GDF7: variants seen among roughly 807,000 people sequenced by gnomAD.
GDF7 encodes growth differentiation factor 7.
A neutral mutation model predicts 13.4 loss-of-function variants in GDF7; 12 were observed. The ratio of observed to expected loss-of-function variants is 0.90; its 90% CI spans 0.57 to 1.45. The LOEUF is 1.45. GDF7 is among the 40% of genes most tolerant of loss of function. The pLI is 0.00. For synonymous variants in GDF7, 330 were observed against 306.4 expected (o/e 1.08, Z -0.80); for missense variants, 651 against 652.4 (o/e 1.00, Z 0.02).
At position 20,671,377 on chromosome 2, in the gene GDF7, C is replaced by G; in HGVS notation, c.1305C>G (p.Val435=). 2 of 1,612,592 alleles carry G rather than the reference C, an allele frequency of 1.2e-6. No homozygotes were observed. The highest frequency in any genetic ancestry group is 8.5e-7 in the Non-Finnish European group (1 of 1,179,708). Residue 435 remains valine (V), a synonymous_variant, in exon 2 of 2, where the codon GTC becomes GTG. Coordinates refer to ENST00000272224, the MANE Select transcript of GDF7 (RefSeq NM_182828.4). ...ILYIDAANNV[V]YKQYEDMVVE... Reference sequence around the variant, plus strand: ...ACATCGACGCCGCCAACAACGTTGTCTACAAGCAATACGAGGACATGGTGG... The same window carrying G: ...ACATCGACGCCGCCAACAACGTTGTGTACAAGCAATACGAGGACATGGTGG...
intron 1 of GDF7, among the ~76,000 whole-genome samples, chr2:20,668,019 C>T (rs1037196816): frequency 6.6e-6 from 1 of 152,236 alleles, no homozygotes; most frequent in East Asian, 1.9e-4. Context: ...GCGAGAGGGA[C>T]TGCACGGTGG....
rs1437923886 is a variant in GDF7, at chr2:20,679,155, T to C, written c.*7730T>C. 4 of 152,240 alleles carry C rather than the reference T, an allele frequency of 2.6e-5. No homozygotes were observed. The highest frequency in any genetic ancestry group is 7.2e-5 in the African/African-American group (3 of 41,458). 9.4% of individuals were successfully genotyped at this position (152,240 alleles called of 1,614,324 possible). A position where few individuals can be genotyped will look rare whatever the true frequency, so the allele number is the denominator to read the frequency against. ...ATTTTTCTTAACTATTATATAGCAG[T>C]ATATATTTGTTGAACATGCTTGTAT... On this transcript the variant is annotated 3_prime_UTR_variant, in exon 2 of 2. Coordinates refer to ENST00000272224, the MANE Select transcript of GDF7 (RefSeq NM_182828.4).
Position 20,671,080 on chromosome 2 carries a change from C to A in GDF7, c.1008C>A (p.Gly336=). Residue 336 remains glycine (G), a synonymous_variant, in exon 2 of 2, where the codon GGC becomes GGA. Transcript: ENST00000272224. The part of the protein sequence containing the change: ...GTRTAQGSGG[G]AGRGHGRRGR... ...GGACAGCGCAGGGCAGCGGCGGGGG[C>A]GCGGGCCGGGGCCACGGGCGCAGGG... is the stretch of plus-strand genomic sequence containing the variant. 6.7e-7 allele frequency: 1 copy of A among 1,503,274 alleles called. No homozygotes were observed. The highest frequency in any genetic ancestry group is 1.3e-5 in the South Asian group (1 of 75,822). 93.1% of individuals were successfully genotyped at this position (1,503,274 alleles called of 1,614,324 possible).
Position 20,670,742 on chromosome 2 carries a change from C to G in GDF7, c.670C>G (p.Pro224Ala). 6.7e-7 allele frequency: 1 copy of G among 1,483,714 alleles called. No homozygotes were observed. The highest frequency in any genetic ancestry group is 2.6e-5 in the East Asian group (1 of 37,800). The allele number at this position is 1,483,714 out of a possible 1,614,324, so 91.9% of individuals were successfully genotyped here. A position where few individuals can be genotyped will look rare whatever the true frequency, so the allele number is the denominator to read the frequency against. The stretch of plus-strand genomic sequence containing the variant: ...CGCCATGAGGCGCCACCGTCGTGAA[C>G]CGCGCCCCCCCCGCGCGTTCTGCCT... ...ADAMRRHRRE[P>A]RPPRAFCLLL... The change falls in exon 2 of 2, where the codon CCG (proline) becomes GCG (alanine). Residue 224 changes from proline to alanine, a missense_variant. Around this residue, in one of 4 missense-constraint regions of GDF7, gnomAD observed 487 missense variants for 445.9 expected, o/e 1.09. Coordinates refer to ENST00000272224, the MANE Select transcript of GDF7 (RefSeq NM_182828.4).
In GDF7 at chr2:20,677,245, CTA is replaced by C. The variant is rs1450907987; in HGVS notation, c.*5822_*5823del. Reference sequence around the variant, plus strand: ...ATTACAGAAACTTTTAATCTCTTTTCTATGTCAGTAAGGGGATGCTGAAATAA... The same window carrying C: ...ATTACAGAAACTTTTAATCTCTTTTCTGTCAGTAAGGGGATGCTGAAATAA... On this transcript the variant is annotated 3_prime_UTR_variant, in exon 2 of 2. Coordinates refer to ENST00000272224, the MANE Select transcript of GDF7 (RefSeq NM_182828.4). 6.6e-6 allele frequency: 1 copy of C among 152,240 alleles called. No homozygotes were observed. Among genetic ancestry groups the C allele is most frequent in the Non-Finnish European group, 1.5e-5 (1 of 68,054 alleles). The allele number at this position is 152,240 out of a possible 1,614,324, so 9.4% of individuals were successfully genotyped here.
In GDF7 at chr2:20,672,384, G is replaced by A; in HGVS notation, c.*959G>A. ...GAGCTACTGCTTTTCCTAGAGACCTGCCAGGAGGTTTTCCTAAGAAGCCAG... is the reference window on the plus strand; with the variant it reads ...GAGCTACTGCTTTTCCTAGAGACCTACCAGGAGGTTTTCCTAAGAAGCCAG... On this transcript the variant is annotated 3_prime_UTR_variant, in exon 2 of 2. Transcript: ENST00000272224. 6.6e-6 allele frequency: 1 copy of A among 152,326 alleles called. No homozygotes were observed. The highest frequency in any genetic ancestry group is 1.5e-5 in the Non-Finnish European group (1 of 68,068). 9.4% of individuals were successfully genotyped at this position (152,326 alleles called of 1,614,324 possible).
In GDF7 at chr2:20,675,578, A is replaced by T. The variant is rs919941164; in HGVS notation, c.*4153A>T. The T allele has an allele frequency of 1.1e-4, 17 of 152,158 alleles. No homozygotes were observed. Among genetic ancestry groups the T allele is most frequent in the Non-Finnish European group, 1.6e-4 (11 of 68,054 alleles). The allele number at this position is 152,158 out of a possible 1,614,324, so 9.4% of individuals were successfully genotyped here. ...CGTCTGAGGCAAGTTATGGGCAGTC[A>T]CCTCCCTGCTGGAGCTTCATCTTCT... On this transcript the variant is annotated 3_prime_UTR_variant, in exon 2 of 2. Coordinates refer to ENST00000272224, the MANE Select transcript of GDF7 (RefSeq NM_182828.4).
In GDF7 at chr2:20,677,961, C is replaced by G. The variant is rs754300253; in HGVS notation, c.*6536C>G. 1.3e-5 allele frequency: 2 copies of G among 153,834 alleles called. No individual in the cohort carries two copies. Among genetic ancestry groups the G allele is most frequent in the African/African-American group, 2.4e-5 (1 of 41,492 alleles). 9.5% of individuals were successfully genotyped at this position (153,834 alleles called of 1,614,324 possible). A position where few individuals can be genotyped will look rare whatever the true frequency, so the allele number is the denominator to read the frequency against. ...ACATGTGTCCTGGATCCTCCCCTGG[C>G]CTGGGGCAGCAGCAGCAGCAGCAGC... is the stretch of plus-strand genomic sequence containing the variant. On this transcript the variant is annotated 3_prime_UTR_variant, in exon 2 of 2. Transcript: ENST00000272224.
In GDF7 at chr2:20,671,115, G is replaced by A. The variant is rs551505619; in HGVS notation, c.1043G>A (p.Arg348His). ...GRGHGRRGRS[R>H]CSRKPLHVDF... ...GGCCACGGGCGCAGGGGCCGGAGCCGCTGCAGCCGCAAGCCGTTGCACGTG... is the reference window on the plus strand; with the variant it reads ...GGCCACGGGCGCAGGGGCCGGAGCCACTGCAGCCGCAAGCCGTTGCACGTG... Residue 348 changes from arginine to histidine, a missense_variant, in exon 2 of 2, where the codon CGC becomes CAC. By Grantham distance (29) the Arg-to-His change is conservative. This residue lies in a region of GDF7 where 487 missense variants were observed against 445.9 expected (regional missense o/e 1.09). Transcript: ENST00000272224. 3 of 1,604,188 alleles carry A rather than the reference G, an allele frequency of 1.9e-6. No homozygotes were observed. The East Asian group carries it at 6.8e-5, about 36-fold the overall frequency.
chr2:20,672,923 G>A lies in GDF7; in HGVS notation c.*1498G>A, dbSNP rs1040002957. ...GGCTTTTTGTCAATAGGCTGGGAGA[G>A]GGAACCTAGTTGGACTCCAGCTGTC... On this transcript the variant is annotated 3_prime_UTR_variant, in exon 2 of 2. Transcript: ENST00000272224. 3.9e-5 allele frequency: 6 copies of A among 152,170 alleles called. No individual in the cohort carries two copies. The highest frequency in any genetic ancestry group is 8.8e-5 in the Non-Finnish European group (6 of 68,044). 9.4% of individuals were successfully genotyped at this position (152,170 alleles called of 1,614,324 possible). A position where few individuals can be genotyped will look rare whatever the true frequency, so the allele number is the denominator to read the frequency against.
rs1662274410 is a variant in GDF7 at position 20,678,694 on chromosome 2, T to A, written c.*7269T>A. On this transcript the variant is annotated 3_prime_UTR_variant, in exon 2 of 2. Transcript: ENST00000272224. ...ACGGTAAAACTCAAAGTGCCAGTAATGCCATCAAGGCTCAGTAACATGCCA... is the reference window on the plus strand; with the variant it reads ...ACGGTAAAACTCAAAGTGCCAGTAAAGCCATCAAGGCTCAGTAACATGCCA... The A allele has an allele frequency of 6.6e-6, 1 of 152,214 alleles. No homozygotes were observed. The highest frequency in any genetic ancestry group is 1.5e-5 in the Non-Finnish European group (1 of 68,040). The allele number at this position is 152,214 out of a possible 1,614,324, so 9.4% of individuals were successfully genotyped here.
In GDF7 at chr2:20,677,941, T is replaced by A. The variant is rs1323439482; in HGVS notation, c.*6516T>A. ...CTGCCAAGGCCAGACAACGCACATG[T>A]GTCCTGGATCCTCCCCTGGCCTGGG... On this transcript the variant is annotated 3_prime_UTR_variant, in exon 2 of 2. Coordinates refer to ENST00000272224, the MANE Select transcript of GDF7 (RefSeq NM_182828.4). 6.5e-6 allele frequency: 1 copy of A among 152,738 alleles called. No homozygotes were observed. The highest frequency in any genetic ancestry group is 1.5e-5 in the Non-Finnish European group (1 of 68,500). The allele number at this position is 152,738 out of a possible 1,614,324, so 9.5% of individuals were successfully genotyped here.
rs1281841573 is a variant in GDF7 at position 20,674,569 on chromosome 2, C to T, written c.*3144C>T. On this transcript the variant is annotated 3_prime_UTR_variant, in exon 2 of 2. Coordinates refer to ENST00000272224, the MANE Select transcript of GDF7 (RefSeq NM_182828.4). ...AGGATCACCCACACTGGCAGGCGGG[C>T]ATTTCCACTGATTCCCAAACACACT... The T allele has an allele frequency of 6.6e-6, 1 of 152,302 alleles. No homozygotes were observed. Among genetic ancestry groups the T allele is most frequent in the African/African-American group, 2.4e-5 (1 of 41,442 alleles). The allele number at this position is 152,302 out of a possible 1,614,324, so 9.4% of individuals were successfully genotyped here.
chr2:20,673,259 T>C lies in GDF7; in HGVS notation c.*1834T>C, dbSNP rs938810639. 3.3e-5 allele frequency: 5 copies of C among 152,170 alleles called. No individual in the cohort carries two copies. Among genetic ancestry groups the C allele is most frequent in the African/African-American group, 1.2e-4 (5 of 41,438 alleles). The allele number at this position is 152,170 out of a possible 1,614,324, so 9.4% of individuals were successfully genotyped here. The stretch of plus-strand genomic sequence containing the variant: ...AATTAAGATTCCCCCCTTCCTCCTA[T>C]TATGTGAATTTATATTCTGTGGCTG... On this transcript the variant is annotated 3_prime_UTR_variant, in exon 2 of 2. Coordinates refer to ENST00000272224, the MANE Select transcript of GDF7 (RefSeq NM_182828.4).
At position 20,670,719 on chromosome 2, in the gene GDF7, C is replaced by T; in HGVS notation, c.647C>T (p.Ala216Val). ...QRWEAFDVAD[A>V]MRRHRREPRP... ...TGGGAGGCGTTCGACGTGGCGGACG[C>T]CATGAGGCGCCACCGTCGTGAACCG... is the stretch of plus-strand genomic sequence containing the variant. Residue 216 changes from alanine to valine, a missense_variant, in exon 2 of 2, where the codon GCC (alanine) becomes GTC (valine). This residue lies in a region of GDF7 where 487 missense variants were observed against 445.9 expected (regional missense o/e 1.09). Transcript: ENST00000272224. The T allele has an allele frequency of 2.7e-6, 4 of 1,478,864 alleles. No homozygotes were observed. The highest frequency in any genetic ancestry group is 5.3e-5 in the East Asian group (2 of 38,060). 91.6% of individuals were successfully genotyped at this position (1,478,864 alleles called of 1,614,324 possible).
At position 20,667,228 on chromosome 2, in the gene GDF7, C is replaced by T; in HGVS notation, c.-12C>T. ...GAGCCCGCGCCGCCCGCCCGCCCGG[C>T]CCACGGAGCCCATGGACCTGAGCGC... is the stretch of plus-strand genomic sequence containing the variant. On this transcript the variant is annotated 5_prime_UTR_variant, in exon 1 of 2. Coordinates refer to ENST00000272224, the MANE Select transcript of GDF7 (RefSeq NM_182828.4). The surrounding 1 kb of genome is among the most constrained non-coding windows in gnomAD (Gnocchi z 6.4). 8.4e-7 allele frequency: 1 copy of T among 1,185,470 alleles called. No individual in the cohort carries two copies. Among genetic ancestry groups the T allele is most frequent in the Non-Finnish European group, 1.0e-6 (1 of 958,714 alleles). 73.4% of individuals were successfully genotyped at this position (1,185,470 alleles called of 1,614,324 possible).
At position 20,670,895 on chromosome 2, in the gene GDF7, C is replaced by G; in HGVS notation, c.823C>G (p.Gln275Glu). The G allele has an allele frequency of 6.4e-7, 1 of 1,557,150 alleles. No individual in the cohort carries two copies. Among genetic ancestry groups the G allele is most frequent in the South Asian group, 1.2e-5 (1 of 85,564 alleles). The change falls in exon 2 of 2, where the codon CAG becomes GAG. Residue 275 changes from glutamine to glutamate, a missense_variant. Around this residue, in one of 4 missense-constraint regions of GDF7, gnomAD observed 487 missense variants for 445.9 expected, o/e 1.09. Coordinates refer to ENST00000272224, the MANE Select transcript of GDF7 (RefSeq NM_182828.4). ...GGTGCTAGTCGTCTCCTCCCGCACG[C>G]AGAGGAAAGAGAGCTTATTCCGGGA... The part of the protein sequence containing the change: ...RAVLVVSSRT[Q>E]RKESLFREIR...
Position 20,670,604 on chromosome 2 carries a change from C to T in GDF7, c.532C>T (p.Pro178Ser), listed in dbSNP as rs771877696. Residue 178 changes from proline to serine, a missense_variant, in exon 2 of 2, where the codon CCG becomes TCG. Physicochemically the swap from Pro to Ser is moderately conservative, Grantham distance 74. This residue lies in a region of GDF7 where 487 missense variants were observed against 445.9 expected (regional missense o/e 1.09). Coordinates refer to ENST00000272224, the MANE Select transcript of GDF7 (RefSeq NM_182828.4). Reference sequence around the variant, plus strand: ...GGGCCCAGGCAGCTGGACTTCTCCGCCGTTGCTGCTGCTGTCCACGTGCCC... The same window carrying T: ...GGGCCCAGGCAGCTGGACTTCTCCGTCGTTGCTGCTGCTGTCCACGTGCCC... ...ESGPGSWTSP[P>S]LLLLSTCPGA... The T allele has an allele frequency of 6.3e-7, 1 of 1,593,052 alleles. No homozygotes were observed. Among genetic ancestry groups the T allele is most frequent in the South Asian group, 1.1e-5 (1 of 88,030 alleles).
rs1267738781 is a variant in GDF7 at position 20,671,989 on chromosome 2, T to A, written c.*564T>A. Reference sequence around the variant, plus strand: ...TACCCTGGAACTGCTGCAAAAAGCATCTTTCTTTTTTTAACTTTTAAAATT... The same window carrying A: ...TACCCTGGAACTGCTGCAAAAAGCAACTTTCTTTTTTTAACTTTTAAAATT... On this transcript the variant is annotated 3_prime_UTR_variant, in exon 2 of 2. Transcript: ENST00000272224. The A allele has an allele frequency of 3.3e-5, 5 of 151,694 alleles. No individual in the cohort carries two copies. Among genetic ancestry groups the A allele is most frequent in the Non-Finnish European group, 7.4e-5 (5 of 67,690 alleles). 9.4% of individuals were successfully genotyped at this position (151,694 alleles called of 1,614,324 possible). A position where few individuals can be genotyped will look rare whatever the true frequency, so the allele number is the denominator to read the frequency against.
Sources: allele counts gnomAD v4.1 joint callset (sites outside exome capture counted in the v4.1 genomes callset), GRCh38; gene constraint gnomAD v4.1.1; regional missense constraint gnomAD v4.1.1; non-coding constraint Gnocchi (gnomAD v3.1); transcripts MANE v1.5; gene names NCBI Gene and HGNC (gene_info 2026-07-23, HGNC 2026-07-21).